CDC14B: variants seen among roughly 807,000 people sequenced by gnomAD.
The protein encoded by CDC14B is cell division cycle 14B.
CDC14B carries 22 observed loss-of-function variants against 64.2 expected under a neutral mutation model. That is an observed-to-expected ratio of 0.34 (90% CI 0.24 to 0.49). The LOEUF is 0.49. Ranked by LOEUF, CDC14B falls within the 20% of genes least tolerant of loss-of-function variation. The pLI is 0.99. For missense variants in CDC14B, 498 were observed against 629.9 expected (o/e 0.79, Z 2.24); for synonymous variants, 191 against 215.8 (o/e 0.89, Z 1.01).
chr9:96,619,816 G>A lies in CDC14B; in HGVS notation c.-438C>T, dbSNP rs1049865806. 2.0e-5 allele frequency: 3 copies of A among 151,956 alleles called. No individual in the cohort carries two copies. The East Asian group carries it at 5.8e-4, about 29-fold the overall frequency. 9.4% of individuals were successfully genotyped at this position (151,956 alleles called of 1,614,324 possible). A position where few individuals can be genotyped will look rare whatever the true frequency, so the allele number is the denominator to read the frequency against. On this transcript the variant is annotated 5_prime_UTR_variant, in exon 1 of 14. Coordinates refer to ENST00000375241, the MANE Select transcript of CDC14B (RefSeq NM_033331.4). ...AGGACGCGGCTCGTGGGGACCCCAGGAGGGCTGTTCCGTGGCGCTTCATTC... is the reference window on the plus strand; with the variant it reads ...AGGACGCGGCTCGTGGGGACCCCAGAAGGGCTGTTCCGTGGCGCTTCATTC...
intron 9 of CDC14B, among the ~76,000 whole-genome samples, chr9:96,531,395 A>G (rs762379465): frequency 1.8e-4 from 27 of 152,092 alleles, no homozygotes; most frequent in Non-Finnish European, 3.2e-4. Flanking sequence ...TGTCCATTTC[A>G]TGTAGACTAT....
intron 12 of CDC14B, among the ~76,000 whole-genome samples, chr9:96,513,158 A>AT (rs1204660846): frequency 1.3e-5 from 2 of 152,236 alleles, no homozygotes; most frequent in Non-Finnish European, 2.9e-5. Flanking sequence ...TAATAATAAT[A>AT]TTAAATAGCT....
chr9:96,583,643 G>A (rs1408868023), intron 1 of CDC14B, among the ~76,000 whole-genome samples: 4 of 151,972 alleles, frequency 2.6e-5, no homozygotes, highest in South Asian at 2.1e-4. Flanking sequence ...TGATCTGCCC[G>A]CCTCAGCCTC....
Position 96,501,941 on chromosome 9 carries a change from A to T in CDC14B, c.*1812T>A, listed in dbSNP as rs115532576. On this transcript the variant is annotated 3_prime_UTR_variant, in exon 14 of 14. Coordinates refer to ENST00000375241, the MANE Select transcript of CDC14B (RefSeq NM_033331.4). ...ACCTGGATTATTATTAATGGAGGGG[A>T]TGGCCTTAAAAGGGGTAAGGGGAAG... 1.3e-5 allele frequency: 2 copies of T among 152,254 alleles called. No homozygotes were observed. The highest frequency in any genetic ancestry group is 2.9e-5 in the Non-Finnish European group (2 of 68,078). The allele number at this position is 152,254 out of a possible 1,614,324, so 9.4% of individuals were successfully genotyped here. A position where few individuals can be genotyped will look rare whatever the true frequency, so the allele number is the denominator to read the frequency against.
At chr9:96,498,518 C>T (rs1833344592), downstream of CDC14B, among the ~76,000 whole-genome samples, 2 of 152,212 alleles carry the variant, frequency 1.3e-5, no homozygotes, top group Admixed American at 1.3e-4. Flanking sequence ...TTAGCTTCAG[C>T]GTGTGGGTCC....
chr9:96,584,705 G>A (rs910639025), intron 1 of CDC14B, among the ~76,000 whole-genome samples: 3 of 152,186 alleles, frequency 2.0e-5, no homozygotes, highest in African/African-American at 7.2e-5. Context: ...CCAGGCTGTA[G>A]TGCAGTGGCA....
rs1001605058 is a variant in CDC14B at position 96,540,603 on chromosome 9, TA to T, written c.564+1222del. On this transcript the variant is annotated intron_variant, in intron 6 of 13. Transcript: ENST00000375241. ...ATTGACTTTGGGTGCAATACCCAAT[TA>T]AAAAAAAAAAAGCCAAAAAATAATA... is the stretch of plus-strand genomic sequence containing the variant. Among the ~76,000 whole-genome samples the T allele has an allele frequency of 3.5e-3, 496 of 143,406 alleles. 1 individual carries two copies. Among genetic ancestry groups the T allele is most frequent in the African/African-American group, 5.7e-3 (223 of 39,266 alleles). The allele number at this position is 143,406 out of a possible 152,430, so 94.1% of individuals were successfully genotyped here.
chr9:96,614,143 T>C (rs1222608712), intron 1 of CDC14B, among the ~76,000 whole-genome samples: 1 of 152,192 alleles, frequency 6.6e-6, no homozygotes, highest in Non-Finnish European at 1.5e-5. Context: ...CGAAAACTTG[T>C]TTTTAAAAAG....
At chr9:96,554,322 A>G (rs755166735) in intron 4 of CDC14B, among the ~76,000 whole-genome samples, 2 of 152,232 alleles carry the variant, frequency 1.3e-5, no homozygotes, top group African/African-American at 4.8e-5. Context: ...CTAAATTTCT[A>G]AGGCCTTCTC....
At chr9:96,507,403 G>A (rs1400413663) in intron 13 of CDC14B, among the ~76,000 whole-genome samples, 3 of 149,974 alleles carry the variant, frequency 2.0e-5, no homozygotes, top group East Asian at 1.9e-4. Context: ...TGTCATCAAC[G>A]ATAGGCTTTT....
chr9:96,569,137 C>T (rs1844326106), intron 1 of CDC14B, among the ~76,000 whole-genome samples: 1 of 152,144 alleles, frequency 6.6e-6, no homozygotes, highest in African/African-American at 2.4e-5. Flanking sequence ...TGCCTTTTTA[C>T]AGCTTTTGCA....
In CDC14B at chr9:96,546,119, G is replaced by A. The variant is rs375698997; in HGVS notation, c.498-4227C>T. 2.1e-3 allele frequency among the ~76,000 whole-genome samples: 322 copies of A among 152,260 alleles called. 5 individuals are homozygous for A. The highest frequency in any genetic ancestry group is 6.7e-3 in the African/African-American group (280 of 41,536). On this transcript the variant is annotated intron_variant, in intron 5 of 13. Transcript: ENST00000375241. ...AGAATGGCAGCTTTCGTAACAGCTCGTATTCACCACGGCCAAAAACTACGA... is the reference window on the plus strand; with the variant it reads ...AGAATGGCAGCTTTCGTAACAGCTCATATTCACCACGGCCAAAAACTACGA...
intron 12 of CDC14B, among the ~76,000 whole-genome samples, chr9:96,519,127 C>A (rs1836249981): frequency 6.6e-6 from 1 of 152,092 alleles, no homozygotes; most frequent in South Asian, 2.1e-4. Context: ...CAGGGCGATA[C>A]TCTGTCTCAA....
chr9:96,547,513 G>A (rs190967879), intron 5 of CDC14B, among the ~76,000 whole-genome samples: 88 of 151,802 alleles, frequency 5.8e-4, no homozygotes, highest in Non-Finnish European at 9.9e-4. Context: ...CAGGCTGAGT[G>A]CAGTGGCATA....
At chr9:96,576,066 A>C (rs1844783411) in intron 1 of CDC14B, among the ~76,000 whole-genome samples, 1 of 152,040 alleles carries the variant, frequency 6.6e-6, no homozygotes, top group South Asian at 2.1e-4. Context: ...ACCTGAGGTC[A>C]AGAGTTTGAG....
chr9:96,499,183 G>A (rs1006757421), downstream of CDC14B, among the ~76,000 whole-genome samples: 4 of 152,204 alleles, frequency 2.6e-5, no homozygotes, highest in African/African-American at 9.6e-5. Flanking sequence ...TGAACACTCT[G>A]GGGGGTCATG....
chr9:96,523,374 A>C lies in CDC14B; in HGVS notation c.1132T>G (p.Leu378Val). Reference sequence around the variant, plus strand: ...TGTTGTCCATTCTCCTGCCCCTTTAACTTCTGACGAAAATAGTCCCCTTCC... The same window carrying C: ...TGTTGTCCATTCTCCTGCCCCTTTACCTTCTGACGAAAATAGTCCCCTTCC... ...WLEGDYFRQK[L>V]KGQENGQHRA... Residue 378 changes from leucine (L) to valine (V), a missense_variant, in exon 11 of 14, where the codon TTA becomes GTA. By Grantham distance (32) the Leu-to-Val change is conservative. Transcript: ENST00000375241. 1 of 1,614,030 alleles carries C rather than the reference A, an allele frequency of 6.2e-7. No individual in the cohort carries two copies. The highest frequency in any genetic ancestry group is 8.5e-7 in the Non-Finnish European group (1 of 1,179,998).
At chr9:96,581,321 G>A (rs1845136337) in intron 1 of CDC14B, among the ~76,000 whole-genome samples, 1 of 151,280 alleles carries the variant, frequency 6.6e-6, no homozygotes, top group Non-Finnish European at 1.5e-5. Context: ...GATAAACAGA[G>A]GGCCAGACAC....
intron 1 of CDC14B, among the ~76,000 whole-genome samples, chr9:96,591,809 G>A (rs112956747): frequency 0.03 from 4,432 of 147,780 alleles, 195 homozygotes; most frequent in African/African-American, 0.1. Flanking sequence ...GCAGTGGCGC[G>A]ATCTAGGCTC....
Sources: allele counts gnomAD v4.1 joint callset (sites outside exome capture counted in the v4.1 genomes callset), GRCh38; gene constraint gnomAD v4.1.1; transcripts MANE v1.5; gene names NCBI Gene and HGNC (gene_info 2026-07-23, HGNC 2026-07-21).